COL4A2: variants seen among roughly 807,000 people sequenced by gnomAD.
COL4A2 encodes the protein collagen alpha-2(IV) chain.
COL4A2 carries 99 observed loss-of-function variants against 200.2 expected under a neutral mutation model. The ratio of observed to expected loss-of-function variants is 0.49; its 90% confidence interval spans 0.42 to 0.58. The LOEUF (loss-of-function observed/expected upper bound fraction) is 0.58. Ranked by LOEUF, COL4A2 falls within the 20% of genes least tolerant of loss-of-function variation. The pLI, the probability that COL4A2 is intolerant of heterozygous loss-of-function variation, is 0.00. For synonymous variants in COL4A2, 897 were observed against 900.6 expected (o/e 1.00, Z 0.07); for missense variants, 1,950 against 2,314.1 (o/e 0.84, Z 3.23).
intron 28 of COL4A2, among the ~76,000 whole-genome samples, chr13:110,472,356 T>C (rs192307437): frequency 0.01 from 1,588 of 152,098 alleles, 31 homozygotes; most frequent in East Asian, 0.021. Context: ...ACCTCGTGAT[T>C]CACCCGCCTC....
intron 27 of COL4A2, chr13:110,468,104 G>A (rs1882320737): frequency 4.3e-6 from 2 of 469,140 alleles, no homozygotes; most frequent in East Asian, 1.4e-4. Flanking sequence ...CACCAGTGTA[G>A]TATGAACAGC....
intron 3 of COL4A2, among the ~76,000 whole-genome samples, chr13:110,325,878 G>T (rs1481377461): frequency 1.3e-5 from 2 of 152,046 alleles, no homozygotes; most frequent in African/African-American, 4.8e-5. Context: ...CCACCTCCTG[G>T]GTTCAAGCGA....
intron 47 of COL4A2, 43 bp from the exon 48 acceptor site, chr13:110,511,891 A>G: frequency 6.2e-7 from 1 of 1,612,288 alleles, no homozygotes. Context: ...TGCCACCTGC[A>G]GGCTGTGATT....
intron 40 of COL4A2, among the ~76,000 whole-genome samples, chr13:110,497,930 G>A (rs113888863): frequency 4.4e-5 from 4 of 90,126 alleles, no homozygotes; most frequent in Admixed American, 1.1e-4. Flanking sequence ...GAGGATCTGG[G>A]GTCAGTCCAC....
intron 27 of COL4A2, 53 bp from the exon 28 acceptor site, chr13:110,469,163 GC>G: frequency 8.4e-6 from 13 of 1,543,266 alleles, no homozygotes; most frequent in Non-Finnish European, 1.1e-5. Context: ...GCATGACCAT[GC>G]CCATTTATCC....
rs1281691864 is a variant in COL4A2 at position 110,512,186 on chromosome 13, C to G, written c.5134C>G (p.Leu1712Val). Residue 1712 changes from leucine to valine, a missense_variant, in exon 48 of 48, where the codon CTG becomes GTG. Physicochemically the swap from Leu to Val is conservative, Grantham distance 32. This residue lies in a region of COL4A2 where 1,385 missense variants were observed against 1,720.5 expected (regional missense o/e 0.80). Coordinates refer to ENST00000360467, the MANE Select transcript of COL4A2 (RefSeq NM_001846.4). The stretch of plus-strand genomic sequence containing the variant: ...CCGCTGCCAGGTGTGCATGAAGAAC[C>G]TGTGAGCCGGCGCGTGCCAGGAAGG... ...ISRCQVCMKN[L>V] is the part of the protein sequence containing the mutation. 6.2e-7 allele frequency: 1 copy of G among 1,611,644 alleles called. No individual in the cohort carries two copies. The highest frequency in any genetic ancestry group is 8.5e-7 in the Non-Finnish European group (1 of 1,178,904).
In COL4A2 at chr13:110,483,585, T is replaced by C. The variant is rs538732763; in HGVS notation, c.2902+926T>C. Reference sequence around the variant, plus strand: ...TGAGGAAGGATGGGGCTCTCAGACATGGCGCGTGGGCGAGCCTTGAGAACA... The same window carrying C: ...TGAGGAAGGATGGGGCTCTCAGACACGGCGCGTGGGCGAGCCTTGAGAACA... On this transcript the variant is annotated intron_variant, in intron 32 of 47. Transcript: ENST00000360467. Among the ~76,000 whole-genome samples the C allele has an allele frequency of 1.8e-4, 28 of 152,370 alleles. No individual in the cohort carries two copies. In the South Asian group the frequency reaches 5.8e-3, roughly 32 times the overall value.
intron 29 of COL4A2, among the ~76,000 whole-genome samples, chr13:110,474,954 TCA>T (rs1179947310): frequency 2.5e-5 from 2 of 80,506 alleles, no homozygotes; most frequent in African/African-American, 4.7e-5. Flanking sequence ...GCACACACGA[TCA>T]CACACACGTA....
chr13:110,495,554 G>T (rs1883428982), intron 40 of COL4A2, 87 bp downstream of exon 40: 1 of 1,514,866 alleles, frequency 6.6e-7, no homozygotes, highest in Non-Finnish European at 8.8e-7. Flanking sequence ...TATGGGGTGG[G>T]AGAGGCTGTG....
intron 3 of COL4A2, among the ~76,000 whole-genome samples, chr13:110,344,276 C>T (rs1436953945): frequency 3.9e-5 from 6 of 152,086 alleles, no homozygotes; most frequent in African/African-American, 4.8e-5. Context: ...CTTCTCAACA[C>T]GGAGACAGAA....
At chr13:110,419,707 A>T (rs1163111283) in intron 4 of COL4A2, among the ~76,000 whole-genome samples, 1 of 152,214 alleles carries the variant, frequency 6.6e-6, no homozygotes, top group Non-Finnish European at 1.5e-5. Context: ...ACCAGCCCGG[A>T]TGGCCCATGT....
chr13:110,458,110 C>T (rs776134494), intron 21 of COL4A2: 3 of 470,060 alleles, frequency 6.4e-6, no homozygotes, highest in Non-Finnish European at 1.3e-5. Flanking sequence ...GCCGTTTTGG[C>T]GTATGTAGGA....
intron 41 of COL4A2, 109 bp from the exon 42 acceptor site, chr13:110,503,012 C>A: frequency 1.0e-6 from 1 of 996,508 alleles, no homozygotes; most frequent in East Asian, 2.4e-5. Context: ...CATTCCATGC[C>A]ACAGACTTGC....
rs1169575523 is a variant in COL4A2 at position 110,307,575 on chromosome 13, C to A, written c.-45+47C>A. On this transcript the variant is annotated intron_variant, in intron 1 of 47. Transcript: ENST00000360467. This position sits in a 1 kb window ranked among gnomAD's most constrained non-coding sequence, Gnocchi z 5.0. ...CGCCCAGACCCTGGCCCGAGAGCAC[C>A]GACTTGGAGCGCCTTGTGCAGGCTA... The A allele has an allele frequency of 3.9e-5, 14 of 358,964 alleles. No homozygotes were observed. In the East Asian group the frequency reaches 5.4e-4, roughly 14 times the overall value. 22.2% of individuals were successfully genotyped at this position (358,964 alleles called of 1,614,324 possible).
chr13:110,339,225 G>C (rs953060459), intron 3 of COL4A2, among the ~76,000 whole-genome samples: 4 of 152,228 alleles, frequency 2.6e-5, no homozygotes, highest in Non-Finnish European at 5.9e-5. Context: ...TTTACCTTTT[G>C]TGCAGAAAGC....
At chr13:110,374,876 T>G (rs1878170693) in intron 4 of COL4A2, among the ~76,000 whole-genome samples, 1 of 152,190 alleles carries the variant, frequency 6.6e-6, no homozygotes, top group South Asian at 2.1e-4. Flanking sequence ...ACACCCTGAA[T>G]GCACTGGAAG....
intron 4 of COL4A2, among the ~76,000 whole-genome samples, chr13:110,422,491 A>T (rs2139451210): frequency 6.6e-6 from 1 of 152,326 alleles, no homozygotes; most frequent in Non-Finnish European, 1.5e-5. Flanking sequence ...CACAAGCTTC[A>T]CCACGACTTA....
intron 3 of COL4A2, among the ~76,000 whole-genome samples, chr13:110,323,321 G>T (rs931961751): frequency 3.9e-5 from 6 of 152,222 alleles, no homozygotes; most frequent in African/African-American, 1.4e-4. Flanking sequence ...ACCAGGTGAT[G>T]CCCCGATGCC....
rs776980571 is a variant in COL4A2, at chr13:110,450,413, C to T, written c.1298C>T (p.Pro433Leu). 2 of 1,613,866 alleles carry T rather than the reference C, an allele frequency of 1.2e-6. No individual in the cohort carries two copies. Among genetic ancestry groups the T allele is most frequent in the African/African-American group, 1.3e-5 (1 of 74,924 alleles). The change falls in exon 20 of 48, where the codon CCT (proline) becomes CTT (leucine). Residue 433 changes from proline (P) to leucine (L), a missense_variant. Pro to Leu is a moderately conservative substitution (Grantham distance 98, BLOSUM62 -3). This residue lies in a region of COL4A2 where 565 missense variants were observed against 593.5 expected (regional missense o/e 0.95). Coordinates refer to ENST00000360467, the MANE Select transcript of COL4A2 (RefSeq NM_001846.4). ...GPPGPDGKRG[P>L]PGPPGLPGPP... ...CCTGGACCTGATGGAAAGCGAGGGCCTCCAGGACCCCCCGGGCTCCCTGGA... is the reference window on the plus strand; with the variant it reads ...CCTGGACCTGATGGAAAGCGAGGGCTTCCAGGACCCCCCGGGCTCCCTGGA...
Sources: allele counts gnomAD v4.1 joint callset (sites outside exome capture counted in the v4.1 genomes callset), GRCh38; gene constraint gnomAD v4.1.1; regional missense constraint gnomAD v4.1.1; non-coding constraint Gnocchi (gnomAD v3.1); transcripts MANE v1.5; gene names NCBI Gene and HGNC (gene_info 2026-07-23, HGNC 2026-07-21).